Variants in VIRMA observed in about 807,000 individuals in gnomAD.
VIRMA encodes vir like m6A methyltransferase associated.
A neutral mutation model predicts 182.4 loss-of-function variants in VIRMA; 65 were observed. The ratio of observed to expected loss-of-function variants is 0.36; its 90% CI spans 0.29 to 0.44. The LOEUF (loss-of-function observed/expected upper bound fraction) is 0.44, where lower values mean the gene tolerates loss of function less well. Among genes scored for constraint, VIRMA ranks in the 20% least tolerant of loss-of-function variants. VIRMA has a pLI of 1.00. For missense variants in VIRMA, 1,752 were observed against 2,158.1 expected (o/e 0.81, Z 3.73); for synonymous variants, 709 against 743.1 (o/e 0.95, Z 0.75).
rs1229986930 is a variant in VIRMA, at chr8:94,547,397, A to G, written c.64-3455T>C. Reference sequence around the variant, plus strand: ...ACTCTGAGCCACAATTATCTTTGGAAGGAGTCATTTACCTGCATGTTTAAA... The same window carrying G: ...ACTCTGAGCCACAATTATCTTTGGAGGGAGTCATTTACCTGCATGTTTAAA... On this transcript the variant is annotated intron_variant, in intron 1 of 23. Coordinates refer to ENST00000297591, the MANE Select transcript of VIRMA (RefSeq NM_015496.5). 2.0e-5 allele frequency among the ~76,000 whole-genome samples: 3 copies of G among 151,114 alleles called. 1 individual carries two copies. Among genetic ancestry groups the G allele is most frequent in the African/African-American group, 7.4e-5 (3 of 40,410 alleles).
At position 94,512,068 on chromosome 8, in the gene VIRMA, G is replaced by A. The variant is rs186215802; in HGVS notation, c.2773C>T (p.Pro925Ser). The A allele has an allele frequency of 4.7e-6, 7 of 1,497,276 alleles. No homozygotes were observed. The Admixed American group carries it at 1.3e-4, about 27-fold the overall frequency. The allele number at this position is 1,497,276 out of a possible 1,614,324, so 92.7% of individuals were successfully genotyped here. A position where few individuals can be genotyped will look rare whatever the true frequency, so the allele number is the denominator to read the frequency against. ...GCAGTGGTAAGGCCAACTCCTTCTG[G>A]GGTCATCAAGTTATCGATATTCTTT... ...VKQNIDNLMTPEGVGLTTALR... is the reference protein window; with the variant it reads ...VKQNIDNLMTSEGVGLTTALR... The change falls in exon 12 of 24, where the codon CCA becomes TCA. Residue 925 changes from proline to serine, a missense_variant. Coordinates refer to ENST00000297591, the MANE Select transcript of VIRMA (RefSeq NM_015496.5).
At chr8:94,489,427 A>C (rs1455653545) in intron 23 of VIRMA, among the ~76,000 whole-genome samples, 1 of 152,204 alleles carries the variant, frequency 6.6e-6, no homozygotes, top group Non-Finnish European at 1.5e-5. Context: ...TCTATACTCT[A>C]AAATATTCTC....
rs754352074 is a variant in VIRMA, at chr8:94,511,739, G to T, written c.2846-10C>A. 6.3e-7 allele frequency: 1 copy of T among 1,582,668 alleles called. No homozygotes were observed. The highest frequency in any genetic ancestry group is 8.6e-7 in the Non-Finnish European group (1 of 1,164,488). On this transcript the variant is annotated splice_polypyrimidine_tract_variant and intron_variant, in intron 12 of 23. Coordinates refer to ENST00000297591, the MANE Select transcript of VIRMA (RefSeq NM_015496.5). ...AGATCTTTCTGTTGACCTTTATATA[G>T]GATAAGAAAAAGAAACAAAACTAAT...
intron 13 of VIRMA, chr8:94,510,910 G>A: frequency 8.7e-7 from 1 of 1,144,552 alleles, no homozygotes. Context: ...ACATGGTAAG[G>A]TGTGGGGGAA....
rs747059214 is a variant in VIRMA, at chr8:94,494,844, T to C, written c.4641+16A>G. On this transcript the variant is annotated intron_variant, in intron 20 of 23. Transcript: ENST00000297591. ...AAACAATAACGTTTTTCTAAATATT[T>C]AGTAATAATTTATACCAAATCCAGA... 5.9e-5 allele frequency: 78 copies of C among 1,315,826 alleles called. No individual in the cohort carries two copies. Among genetic ancestry groups the C allele is most frequent in the Middle Eastern group, 3.7e-4 (2 of 5,446 alleles). The allele number at this position is 1,315,826 out of a possible 1,614,324, so 81.5% of individuals were successfully genotyped here. A position where few individuals can be genotyped will look rare whatever the true frequency, so the allele number is the denominator to read the frequency against.
chr8:94,502,957 T>G (rs891751436), intron 16 of VIRMA, among the ~76,000 whole-genome samples: 3 of 151,960 alleles, frequency 2.0e-5, no homozygotes, highest in African/African-American at 7.3e-5. Flanking sequence ...ACAAAATAAG[T>G]AAGGATAGTA....
intron 5 of VIRMA, 120 bp from the exon 6 acceptor site, chr8:94,531,205 A>G (rs1815161951): frequency 8.9e-7 from 1 of 1,126,466 alleles, no homozygotes; most frequent in African/African-American, 1.6e-5. Context: ...GAGAGATCTA[A>G]AATATGGTAT....
intron 15 of VIRMA, among the ~76,000 whole-genome samples, chr8:94,509,380 C>A (rs1005083935): frequency 1.4e-5 from 2 of 147,260 alleles, no homozygotes; most frequent in South Asian, 2.1e-4. Flanking sequence ...CCAGCCTGGG[C>A]GACAGAATGA....
intron 5 of VIRMA, among the ~76,000 whole-genome samples, chr8:94,532,291 G>A (rs1384576154): frequency 6.6e-6 from 1 of 152,148 alleles, no homozygotes; most frequent in Non-Finnish European, 1.5e-5. Flanking sequence ...ATTTTTAGTA[G>A]ACATGAGGTT....
chr8:94,527,840 C>T (rs1458080676), intron 7 of VIRMA, among the ~76,000 whole-genome samples: 5 of 152,148 alleles, frequency 3.3e-5, no homozygotes, highest in South Asian at 2.1e-4. Flanking sequence ...ATTGTAGATT[C>T]GTTTTATAAC....
chr8:94,492,824 G>C lies in VIRMA; in HGVS notation c.4642-6C>G. Reference sequence around the variant, plus strand: ...TCAATTAAGTCAACCTTTACCTGCAGTCATAATAATGAAACAAAACACATA... The same window carrying C: ...TCAATTAAGTCAACCTTTACCTGCACTCATAATAATGAAACAAAACACATA... On this transcript the variant is annotated splice_polypyrimidine_tract_variant and splice_region_variant and intron_variant, in intron 20 of 23. Transcript: ENST00000297591. The C allele has an allele frequency of 6.2e-7, 1 of 1,603,818 alleles. No homozygotes were observed. The highest frequency in any genetic ancestry group is 8.5e-7 in the Non-Finnish European group (1 of 1,173,206).
chr8:94,552,545 A>G (rs777904975), intron 1 of VIRMA, among the ~76,000 whole-genome samples: 1 of 152,246 alleles, frequency 6.6e-6, no homozygotes, highest in Non-Finnish European at 1.5e-5. Flanking sequence ...AGCTTACATT[A>G]AGACAGAAAA....
At chr8:94,551,460 T>G (rs754757247) in intron 1 of VIRMA, among the ~76,000 whole-genome samples, 4 of 152,226 alleles carry the variant, frequency 2.6e-5, no homozygotes, top group Admixed American at 6.5e-5. Flanking sequence ...TATAACTTCT[T>G]GAAAACAAAC....
chr8:94,507,895 A>ATATATATGTATATATGTG (rs1814219041), intron 15 of VIRMA, among the ~76,000 whole-genome samples: 1 of 148,808 alleles, frequency 6.7e-6, no homozygotes, highest in South Asian at 2.1e-4. Context: ...GTATATATGT[A>ATATATATGTATATATGTG]TATATATGTA....
Position 94,537,257 on chromosome 8 carries a change from T to G in VIRMA, c.267-106A>C, listed in dbSNP as rs976125486. 41 of 797,614 alleles carry G rather than the reference T, an allele frequency of 5.1e-5. 2 individuals are homozygous for G. The Middle Eastern group carries it at 7.6e-3, about 149-fold the overall frequency. 49.4% of individuals were successfully genotyped at this position (797,614 alleles called of 1,614,324 possible). ...ATTTTAATATAATCAAATGCTAGAT[T>G]TTTGTTTTGATTCAATAAACCACAA... On this transcript the variant is annotated intron_variant, in intron 3 of 23. Coordinates refer to ENST00000297591, the MANE Select transcript of VIRMA (RefSeq NM_015496.5).
Position 94,488,649 on chromosome 8 carries a change from A to AT in VIRMA, c.*56dup, listed in dbSNP as rs1435655914. On this transcript the variant is annotated 3_prime_UTR_variant, in exon 24 of 24. Coordinates refer to ENST00000297591, the MANE Select transcript of VIRMA (RefSeq NM_015496.5). ...GTCTAAATTGGTCCTTCAATGTCTT[A>AT]TTTTTATTGTCCTCGTGAAATGTTC... 1 of 1,544,138 alleles carries AT rather than the reference A, an allele frequency of 6.5e-7. No individual in the cohort carries two copies. Among genetic ancestry groups the AT allele is most frequent in the Non-Finnish European group, 8.9e-7 (1 of 1,129,920 alleles).
chr8:94,547,038 T>C (rs1815795233), intron 1 of VIRMA: 1 of 455,258 alleles, frequency 2.2e-6, no homozygotes, highest in Admixed American at 2.4e-5. Flanking sequence ...AAACTTTCTC[T>C]TGAAAGCTGA....
At position 94,548,738 on chromosome 8, in the gene VIRMA, T is replaced by C. The variant is rs1485503563; in HGVS notation, c.63+4647A>G. On this transcript the variant is annotated intron_variant, in intron 1 of 23. Transcript: ENST00000297591. ...TGGCACGATCTAGCCTCACTGCAAG[T>C]CCCACCTCCCAGGTTCACGCCATTC... 2.0e-5 allele frequency among the ~76,000 whole-genome samples: 3 copies of C among 152,046 alleles called. 1 individual carries two copies. The highest frequency in any genetic ancestry group is 4.8e-5 in the African/African-American group (2 of 41,414).
Position 94,529,360 on chromosome 8 carries a change from A to ACC in VIRMA, c.608-19_608-18insGG. On this transcript the variant is annotated intron_variant, in intron 6 of 23. Coordinates refer to ENST00000297591, the MANE Select transcript of VIRMA (RefSeq NM_015496.5). ...ACCAGACACTGAAAAATTGAGATTT[A>ACC]AGGCACAGACTATTTTAATGGTTTA... 1 of 1,437,126 alleles carries ACC rather than the reference A, an allele frequency of 7.0e-7. No homozygotes were observed. The highest frequency in any genetic ancestry group is 2.3e-5 in the East Asian group (1 of 43,924). 89.0% of individuals were successfully genotyped at this position (1,437,126 alleles called of 1,614,324 possible).
Sources: allele counts gnomAD v4.1 joint callset (sites outside exome capture counted in the v4.1 genomes callset), GRCh38; gene constraint gnomAD v4.1.1; transcripts MANE v1.5; gene names NCBI Gene and HGNC (gene_info 2026-07-23, HGNC 2026-07-21).